Variants in NRG1 observed in about 807,000 individuals in gnomAD.
NRG1 encodes neuregulin 1, also known as pro-neuregulin-1, membrane-bound isoform.
A neutral mutation model predicts 63.8 loss-of-function variants in NRG1; 18 were observed. The observed-to-expected ratio is 0.28, with a 90% CI of 0.19 to 0.42. NRG1 has a LOEUF of 0.42. Among genes scored for constraint, NRG1 ranks in the 10% least tolerant of loss-of-function variants. NRG1 has a pLI of 1.00. For missense variants in NRG1, 762 were observed against 814.7 expected, an observed-to-expected ratio of 0.94 and a Z score of 0.79; for synonymous variants, 302 against 301.3, an observed-to-expected ratio of 1.00 and a Z score of -0.02.
At chr8:32,138,280 A>G (rs1224986593) in intron 1 of NRG1, among the ~76,000 whole-genome samples, 1 of 152,054 alleles carries the variant, frequency 6.6e-6, no homozygotes, top group Non-Finnish European at 1.5e-5. Flanking sequence ...TGCGGACAGA[A>G]TGTCTGTGCT....
intron 1 of NRG1, among the ~76,000 whole-genome samples, chr8:32,218,256 G>A (rs1845452724): frequency 6.6e-6 from 1 of 152,046 alleles, no homozygotes; most frequent in Admixed American, 6.6e-5. Context: ...TCCAAGTTTT[G>A]GCCAATCAAA....
chr8:32,712,667 C>A, intron 5 of NRG1, among the ~76,000 whole-genome samples: 1 of 152,098 alleles, frequency 6.6e-6, no homozygotes, highest in Non-Finnish European at 1.5e-5. Context: ...TTTAGCTAAG[C>A]ACTGAGGGTA....
intron 1 of NRG1, among the ~76,000 whole-genome samples, chr8:32,388,825 G>T (rs561336451): frequency 6.6e-6 from 1 of 151,870 alleles, no homozygotes; most frequent in African/African-American, 2.4e-5. Flanking sequence ...GTTTTTTTTG[G>T]GGGGGAAATA....
Position 32,722,492 on chromosome 8 carries a change from G to A in NRG1, c.503-5457G>A, listed in dbSNP as rs574743515. On this transcript the variant is annotated intron_variant, in intron 5 of 11. Coordinates refer to ENST00000356819, the Ensembl canonical transcript of NRG1. ...ACAGGAAATACTGTTTGATTCCATG[G>A]GAAAATATTTAGTAACAAGCAGAGA... Among the ~76,000 whole-genome samples the A allele has an allele frequency of 2.0e-5, 3 of 152,096 alleles. No homozygotes were observed. In the South Asian group the frequency reaches 6.2e-4, roughly 32 times the overall value.
intron 1 of NRG1, among the ~76,000 whole-genome samples, chr8:32,361,320 G>A (rs944565186): frequency 6.6e-6 from 1 of 152,056 alleles, no homozygotes; most frequent in African/African-American, 2.4e-5. Context: ...TAGGAAGGGA[G>A]CGGGTAGAAA....
intron 1 of NRG1, among the ~76,000 whole-genome samples, chr8:32,048,299 A>G (rs1821348157): frequency 6.6e-6 from 1 of 150,570 alleles, no homozygotes; most frequent in African/African-American, 2.4e-5. Context: ...GTACATATAT[A>G]TTCATACATA....
intron 1 of NRG1, among the ~76,000 whole-genome samples, chr8:32,339,403 C>T (rs1803754731): frequency 6.6e-6 from 1 of 152,060 alleles, no homozygotes; most frequent in African/African-American, 2.4e-5. Flanking sequence ...CATCTCCATC[C>T]ATGAAATATT....
intron 1 of NRG1, among the ~76,000 whole-genome samples, chr8:32,284,489 G>GCGTGCCTGCCTGCCTGCCTGCCTTCCTT (rs1554497406): frequency 2.5e-4 from 33 of 132,610 alleles, no homozygotes; most frequent in South Asian, 8.1e-4. Flanking sequence ...CTGCCTGCCT[G>GCGTGCCTGCCTGCCTGCCTGCCTTCCTT]CCTTCCTTCC....
intron 1 of NRG1, among the ~76,000 whole-genome samples, chr8:32,404,563 C>A (rs1813687449): frequency 6.7e-6 from 1 of 148,440 alleles, no homozygotes; most frequent in Non-Finnish European, 1.5e-5. Flanking sequence ...GTCTCAGAAA[C>A]TCATTCTGTT....
At chr8:32,310,261 A>C (rs888489731) in intron 1 of NRG1, among the ~76,000 whole-genome samples, 1 of 152,206 alleles carries the variant, frequency 6.6e-6, no homozygotes, top group African/African-American at 2.4e-5. Flanking sequence ...TAGAAAAAAG[A>C]ACTTGTTTCA....
chr8:31,766,482 A>G (rs138062903), intron 1 of NRG1, among the ~76,000 whole-genome samples: 1 of 152,202 alleles, frequency 6.6e-6, no homozygotes, highest in Non-Finnish European at 1.5e-5. Flanking sequence ...CTTACTCAGC[A>G]TTCACTTGAG....
intron 1 of NRG1, among the ~76,000 whole-genome samples, chr8:31,887,731 AG>A (rs1432700562): frequency 1.3e-5 from 2 of 152,052 alleles, no homozygotes; most frequent in Non-Finnish European, 2.9e-5. Flanking sequence ...TAATGATAGG[AG>A]TCAAATATAT....
intron 1 of NRG1, among the ~76,000 whole-genome samples, chr8:32,352,692 G>A (rs1586989939): frequency 1.3e-5 from 2 of 152,160 alleles, no homozygotes; most frequent in South Asian, 4.1e-4. Flanking sequence ...ACCAGCCTGA[G>A]CAATACAGGG....
chr8:32,289,403 G>T (rs1219280699), intron 1 of NRG1, among the ~76,000 whole-genome samples: 1 of 151,586 alleles, frequency 6.6e-6, no homozygotes, highest in Non-Finnish European at 1.5e-5. Context: ...CAAGGTTATT[G>T]TCAAGGACAA....
chr8:32,127,122 A>T (rs552572739), intron 1 of NRG1, among the ~76,000 whole-genome samples: 47 of 152,090 alleles, frequency 3.1e-4, no homozygotes, highest in African/African-American at 1.1e-3. Flanking sequence ...GGACAAGACC[A>T]TATAAGCTCT....
intron 1 of NRG1, among the ~76,000 whole-genome samples, chr8:31,687,997 T>C (rs890796102): frequency 9.9e-5 from 15 of 152,200 alleles, no homozygotes; most frequent in Admixed American, 9.8e-4. Flanking sequence ...TCCTTGAGGA[T>C]TGGTCTTGAT....
At chr8:32,266,425 C>G (rs1850941098) in intron 1 of NRG1, among the ~76,000 whole-genome samples, 1 of 152,194 alleles carries the variant, frequency 6.6e-6, no homozygotes, top group Non-Finnish European at 1.5e-5. Flanking sequence ...CTTGAAAGGA[C>G]CAAGCCCATT....
chr8:31,957,810 CTA>C (rs1804700225), intron 1 of NRG1, among the ~76,000 whole-genome samples: 2 of 152,166 alleles, frequency 1.3e-5, no homozygotes, highest in African/African-American at 4.8e-5. Context: ...AATATTTTCT[CTA>C]TCTTCTATCA....
intron 1 of NRG1, among the ~76,000 whole-genome samples, chr8:31,677,490 C>T (rs1807838054): frequency 6.6e-6 from 1 of 152,082 alleles, no homozygotes; most frequent in South Asian, 2.1e-4. Flanking sequence ...AATCTGTTCT[C>T]TAGTAGAAAA....
Sources: allele counts gnomAD v4.1 joint callset (sites outside exome capture counted in the v4.1 genomes callset), GRCh38; gene constraint gnomAD v4.1.1; transcripts MANE v1.5; gene names NCBI Gene and HGNC (gene_info 2026-07-23, HGNC 2026-07-21).